The following RGL1 variants were observed in gnomAD, a reference collection of about 807,000 sequenced individuals.
RGL1 encodes the protein ral guanine nucleotide dissociation stimulator-like 1.
In RGL1, 24 loss-of-function variants were observed where a neutral mutation model predicts 95.2. The observed-to-expected ratio is 0.25, with a 90% confidence interval of 0.18 to 0.35. RGL1 has a LOEUF of 0.35. Among genes scored for constraint, RGL1 ranks in the 10% least tolerant of loss-of-function variants. The probability of loss-of-function intolerance (pLI) is 1.00; values close to 1 mark genes in which losing one functional copy is unlikely to be tolerated. For missense variants in RGL1, 715 were observed against 936.3 expected, an observed-to-expected ratio of 0.76 and a Z score of 3.08; for synonymous variants, 329 against 344.9, an observed-to-expected ratio of 0.95 and a Z score of 0.51.
chr1:183,645,888 C>T (rs1650257713), intron 1 of RGL1, among the ~76,000 whole-genome samples: 1 of 152,212 alleles, frequency 6.6e-6, no homozygotes, highest in Admixed American at 6.5e-5. Context: ...TAGCCCTAGT[C>T]TTATCGAACC....
intron 2 of RGL1, among the ~76,000 whole-genome samples, chr1:183,783,319 CAT>C (rs1221998712): frequency 6.6e-6 from 1 of 152,096 alleles, no homozygotes; most frequent in Non-Finnish European, 1.5e-5. Context: ...CACACACATA[CAT>C]ATATATAATG....
chr1:183,884,643 T>C, intron 6 of RGL1, 80 bp from the exon 7 acceptor site: 1 of 1,227,670 alleles, frequency 8.1e-7, no homozygotes, highest in Admixed American at 2.0e-5. Flanking sequence ...AAAATACCAA[T>C]TTACAAATGA....
chr1:183,860,215 A>G (rs1427299507), intron 3 of RGL1, among the ~76,000 whole-genome samples: 1 of 152,090 alleles, frequency 6.6e-6, no homozygotes, highest in East Asian at 1.9e-4. Context: ...TTCTTTCACT[A>G]TCCCCAATAA....
At chr1:183,671,361 A>G (rs1009248527) in intron 1 of RGL1, among the ~76,000 whole-genome samples, 6 of 152,230 alleles carry the variant, frequency 3.9e-5, no homozygotes, top group African/African-American at 1.2e-4. Flanking sequence ...CAATAGTGGA[A>G]TTGCTAAGTT....
intron 6 of RGL1, 53 bp downstream of exon 6, chr1:183,883,963 G>A (rs1360072925): frequency 6.3e-7 from 1 of 1,588,928 alleles, no homozygotes; most frequent in Non-Finnish European, 8.6e-7. Context: ...ATAGGGGAGT[G>A]ATGGCACTGG....
intron 2 of RGL1, among the ~76,000 whole-genome samples, chr1:183,763,170 A>G (rs1042657513): frequency 6.6e-6 from 1 of 152,158 alleles, no homozygotes; most frequent in Non-Finnish European, 1.5e-5. Flanking sequence ...ATTCTCACTC[A>G]TAAGTGGGAG....
At chr1:183,911,408 C>G (rs1171920185) in intron 14 of RGL1, among the ~76,000 whole-genome samples, 1 of 152,156 alleles carries the variant, frequency 6.6e-6, no homozygotes, top group Non-Finnish European at 1.5e-5. Context: ...TAACTCCTCA[C>G]CATTCATAAA....
Position 183,875,372 on chromosome 1 carries a change from C to T in RGL1, c.426-5244C>T, listed in dbSNP as rs574059752. Among the ~76,000 whole-genome samples the T allele has an allele frequency of 3.4e-4, 52 of 152,234 alleles. No homozygotes were observed. The South Asian group carries it at 0.011, about 31-fold the overall frequency. On this transcript the variant is annotated intron_variant, in intron 4 of 17. Coordinates refer to ENST00000360851, the MANE Select transcript of RGL1 (RefSeq NM_001297671.3). Reference sequence around the variant, plus strand: ...TATGGAATGTTAATATGATTTAATACGTTTACCTAAAATCTGCATTCATTA... The same window carrying T: ...TATGGAATGTTAATATGATTTAATATGTTTACCTAAAATCTGCATTCATTA...
At chr1:183,895,506 A>T (rs1332817745) in intron 9 of RGL1, among the ~76,000 whole-genome samples, 1 of 152,212 alleles carries the variant, frequency 6.6e-6, no homozygotes, top group East Asian at 1.9e-4. Flanking sequence ...GATGATTAAA[A>T]TCATGAGATT....
At chr1:183,832,234 TG>T (rs1558235508) in intron 2 of RGL1, among the ~76,000 whole-genome samples, 1 of 152,124 alleles carries the variant, frequency 6.6e-6, no homozygotes, top group Non-Finnish European at 1.5e-5. Context: ...GGTTGGATTT[TG>T]GGGGGATGAG....
At chr1:183,656,240 C>T (rs1328363571) in intron 1 of RGL1, among the ~76,000 whole-genome samples, 2 of 151,954 alleles carry the variant, frequency 1.3e-5, no homozygotes, top group Non-Finnish European at 2.9e-5. Flanking sequence ...GCTCTTTCCC[C>T]GTGGGATCTG....
At chr1:183,733,809 A>G (rs929279428) in intron 1 of RGL1, among the ~76,000 whole-genome samples, 4 of 152,178 alleles carry the variant, frequency 2.6e-5, no homozygotes, top group African/African-American at 9.6e-5. Flanking sequence ...GTAATGGGAT[A>G]AGGTGTTATC....
intron 3 of RGL1, among the ~76,000 whole-genome samples, chr1:183,857,547 TC>T (rs1558252601): frequency 1.3e-5 from 2 of 152,284 alleles, no homozygotes; most frequent in East Asian, 1.9e-4. Flanking sequence ...TTTGTTCTGT[TC>T]AGGACATCAT....
chr1:183,637,603 GGA>G (rs746473165), intron 1 of RGL1, among the ~76,000 whole-genome samples: 32 of 152,154 alleles, frequency 2.1e-4, no homozygotes, highest in South Asian at 4.2e-4. Flanking sequence ...ATAGAGAGTG[GGA>G]GAGAGACCTC....
At chr1:183,740,390 G>A (rs896274735) in intron 1 of RGL1, among the ~76,000 whole-genome samples, 4 of 152,176 alleles carry the variant, frequency 2.6e-5, no homozygotes, top group African/African-American at 9.7e-5. Flanking sequence ...AAGTAGATGG[G>A]CTTACTCTCC....
intron 2 of RGL1, among the ~76,000 whole-genome samples, chr1:183,767,221 C>T (rs1424902146): frequency 1.9e-4 from 23 of 122,088 alleles, no homozygotes; most frequent in African/African-American, 6.6e-4. Flanking sequence ...AGAGCAAGAC[C>T]CTGTCTCAAA....
At chr1:183,687,967 T>C (rs1385904468) in intron 1 of RGL1, among the ~76,000 whole-genome samples, 1 of 152,140 alleles carries the variant, frequency 6.6e-6, no homozygotes, top group Admixed American at 6.5e-5. Flanking sequence ...AAAAGGTATT[T>C]TGTGTCAGCA....
At chr1:183,893,495 G>A (rs954972054) in intron 9 of RGL1, among the ~76,000 whole-genome samples, 14 of 152,160 alleles carry the variant, frequency 9.2e-5, no homozygotes, top group African/African-American at 3.1e-4. Context: ...TAGAGAATAA[G>A]CTGCATATTT....
chr1:183,911,609 T>A (rs1668645414), intron 14 of RGL1, among the ~76,000 whole-genome samples: 1 of 151,978 alleles, frequency 6.6e-6, no homozygotes. Context: ...CTAAAAAGAG[T>A]TTTTAATATT....
Sources: allele counts gnomAD v4.1 joint callset (sites outside exome capture counted in the v4.1 genomes callset), GRCh38; gene constraint gnomAD v4.1.1; transcripts MANE v1.5; gene names NCBI Gene and HGNC (gene_info 2026-07-23, HGNC 2026-07-21).